UGT3A1: variants seen among roughly 807,000 people sequenced by gnomAD.
The protein encoded by UGT3A1 is UDP-glycosyltransferase 3A1.
Under a neutral mutation model 37.6 loss-of-function variants are expected in UGT3A1, and 40 were observed. The ratio of observed to expected loss-of-function variants is 1.06; its 90% CI spans 0.83 to 1.38. The LOEUF is 1.38. UGT3A1 is among the 40% of genes most tolerant of loss of function. The pLI is 0.00. For synonymous variants in UGT3A1, 256 were observed against 232.3 expected, an observed-to-expected ratio of 1.10 and a Z score of -0.93; for missense variants, 642 against 634.2, an observed-to-expected ratio of 1.01 and a Z score of -0.13.
chr5:35,983,430 C>G (rs1249522534), intron 2 of UGT3A1, among the ~76,000 whole-genome samples: 1 of 151,958 alleles, frequency 6.6e-6, no homozygotes, highest in Non-Finnish European at 1.5e-5. Context: ...TAAAGAAAAG[C>G]CCAAAACCTG....
intron 4 of UGT3A1, 94 bp from the exon 5 acceptor site, chr5:35,957,513 C>T (rs947204016): frequency 1.0e-6 from 1 of 967,676 alleles, no homozygotes; most frequent in Admixed American, 2.3e-5. Flanking sequence ...AACATACCCT[C>T]CCATCAGTGC....
intron 4 of UGT3A1, chr5:35,961,793 G>A (rs975030370): frequency 3.9e-5 from 6 of 152,206 alleles, no homozygotes; most frequent in Non-Finnish European, 7.3e-5. Flanking sequence ...GGGGCTGTCT[G>A]AGTAATAAAT....
At chr5:35,971,282 A>C (rs779106154) in intron 2 of UGT3A1, among the ~76,000 whole-genome samples, 20 of 152,190 alleles carry the variant, frequency 1.3e-4, no homozygotes, top group Non-Finnish European at 2.6e-4. Context: ...AACGCACAAA[A>C]AGGGATGTGC....
At chr5:35,993,129 AT>A (rs947282779), upstream of UGT3A1, among the ~76,000 whole-genome samples, 5 of 151,868 alleles carry the variant, frequency 3.3e-5, no homozygotes, top group South Asian at 2.1e-4. Context: ...GATTCCCTGC[AT>A]TTTTTTTCTC....
upstream of UGT3A1, among the ~76,000 whole-genome samples, chr5:35,994,836 G>T (rs142096243): frequency 5.9e-5 from 9 of 152,290 alleles, no homozygotes; most frequent in East Asian, 1.5e-3. Flanking sequence ...GGAACATAAA[G>T]TTCCCCCTTC....
At chr5:35,989,272 C>A (rs534913089) in intron 1 of UGT3A1, among the ~76,000 whole-genome samples, 2 of 152,304 alleles carry the variant, frequency 1.3e-5, no homozygotes, top group South Asian at 4.1e-4. Flanking sequence ...CTAGGAAAAT[C>A]CTACCATGCT....
chr5:35,953,724 C>T lies in UGT3A1; in HGVS notation c.*478G>A, dbSNP rs1739246754. The T allele has an allele frequency of 6.3e-6, 1 of 157,608 alleles. No homozygotes were observed. Among genetic ancestry groups the T allele is most frequent in the South Asian group, 1.9e-4 (1 of 5,198 alleles). 9.8% of individuals were successfully genotyped at this position (157,608 alleles called of 1,614,324 possible). ...GAGCAAAGGTCTTGGCAGGGGTTCT[C>T]CTTCCCTAAATGCAGGAGAGCAGAC... On this transcript the variant is annotated 3_prime_UTR_variant, in exon 7 of 7. Coordinates refer to ENST00000274278, the MANE Select transcript of UGT3A1 (RefSeq NM_152404.4).
intron 2 of UGT3A1, among the ~76,000 whole-genome samples, chr5:35,972,432 C>G (rs997878088): frequency 6.6e-6 from 1 of 151,496 alleles, no homozygotes; most frequent in Non-Finnish European, 1.5e-5. Context: ...AGCTTGCCTA[C>G]CTGACCTATA....
intron 4 of UGT3A1, 69 bp from the exon 5 acceptor site, chr5:35,957,488 C>G (rs1739404421): frequency 7.6e-7 from 1 of 1,313,642 alleles, no homozygotes; most frequent in East Asian, 2.4e-5. Flanking sequence ...GAAATGAAAC[C>G]CAGTCTATTT....
chr5:35,952,286 A>G lies in UGT3A1; in HGVS notation c.*1916T>C, dbSNP rs746084078. 6.6e-6 allele frequency: 1 copy of G among 152,228 alleles called. No individual in the cohort carries two copies. The highest frequency in any genetic ancestry group is 1.5e-5 in the Non-Finnish European group (1 of 68,062). 9.4% of individuals were successfully genotyped at this position (152,228 alleles called of 1,614,324 possible). On this transcript the variant is annotated 3_prime_UTR_variant, in exon 7 of 7. Transcript: ENST00000274278. ...CGAACATTTGGAAAAGAGTGGGAGG[A>G]GAACTGCTCCAGGTGTGCCTAGATT...
chr5:35,965,928 G>T lies in UGT3A1; in HGVS notation c.312-11C>A. The T allele has an allele frequency of 6.7e-7, 1 of 1,495,048 alleles. No individual in the cohort carries two copies. The highest frequency in any genetic ancestry group is 8.9e-7 in the Non-Finnish European group (1 of 1,123,260). The allele number at this position is 1,495,048 out of a possible 1,614,324, so 92.6% of individuals were successfully genotyped here. On this transcript the variant is annotated splice_polypyrimidine_tract_variant and intron_variant, in intron 3 of 6. Coordinates refer to ENST00000274278, the MANE Select transcript of UGT3A1 (RefSeq NM_152404.4). ...GCTTCAGATTCTTTTCTGTAATAAAGAAAATAAATAATAAATATTTGGGAA... is the reference window on the plus strand; with the variant it reads ...GCTTCAGATTCTTTTCTGTAATAAATAAAATAAATAATAAATATTTGGGAA...
At chr5:35,998,108 A>G (rs1741138172) in intron 1 of UGT3A1, among the ~76,000 whole-genome samples, 1 of 152,204 alleles carries the variant, frequency 6.6e-6, no homozygotes, top group Non-Finnish European at 1.5e-5. Flanking sequence ...ACCTGATCCC[A>G]TCATGTGGAC....
chr5:35,976,158 CA>C (rs1225915029), intron 2 of UGT3A1, among the ~76,000 whole-genome samples: 1 of 152,008 alleles, frequency 6.6e-6, no homozygotes, highest in East Asian at 1.9e-4. Context: ...TTCTATTAAA[CA>C]GAAAAGTAAG....
chr5:35,977,827 A>T (rs957771131), intron 2 of UGT3A1, among the ~76,000 whole-genome samples: 1 of 152,246 alleles, frequency 6.6e-6, no homozygotes, highest in Admixed American at 6.5e-5. Context: ...CATTTACGTA[A>T]AATTTAAAAG....
intron 1 of UGT3A1, 105 bp from the exon 2 acceptor site, chr5:35,988,656 G>A: frequency 1.2e-6 from 1 of 846,782 alleles, no homozygotes; most frequent in Non-Finnish European, 1.9e-6. Context: ...AAAGCATAGG[G>A]AAGAGGAAAT....
At chr5:35,992,007 C>T (rs768857497), upstream of UGT3A1, among the ~76,000 whole-genome samples, 15 of 152,140 alleles carry the variant, frequency 9.9e-5, no homozygotes, top group Non-Finnish European at 1.8e-4. Context: ...AATTCTGCCC[C>T]CTTGAAGGGT....
chr5:35,991,649 C>T, upstream of UGT3A1: 2 of 999,314 alleles, frequency 2.0e-6, no homozygotes, highest in Non-Finnish European at 2.4e-6. Context: ...GCTGTCTGAA[C>T]TTATGTTACT....
rs565666912 is a variant in UGT3A1, at chr5:35,975,265, G to T, written c.197-7132C>A. ...CACTCACCAAGTTGACCTGGATACT[G>T]CCACTGCAGAGTACTCAGTCAGCCA... On this transcript the variant is annotated intron_variant, in intron 2 of 6. Transcript: ENST00000274278. 2.0e-5 allele frequency among the ~76,000 whole-genome samples: 3 copies of T among 152,322 alleles called. No homozygotes were observed. The South Asian group carries it at 6.2e-4, about 32-fold the overall frequency.
rs1580937735 is a variant in UGT3A1, at chr5:35,972,096, A to G, written c.197-3963T>C. ...GCTGTCGTTCAAAGATTTTTTTCCC[A>G]GGCAGAGAAGGAAGCCATAAAACAG... On this transcript the variant is annotated intron_variant, in intron 2 of 6. Coordinates refer to ENST00000274278, the MANE Select transcript of UGT3A1 (RefSeq NM_152404.4). Among the ~76,000 whole-genome samples the G allele has an allele frequency of 3.3e-5, 5 of 152,190 alleles. No individual in the cohort carries two copies. In the South Asian group the frequency reaches 1.0e-3, roughly 32 times the overall value.
Sources: gnomAD v4.1 joint callset for allele counts (sites outside exome capture counted in the v4.1 genomes callset) on GRCh38, gnomAD v4.1.1 for gene constraint, MANE v1.5 for transcripts, NCBI Gene and HGNC (gene_info 2026-07-23, HGNC 2026-07-21) for gene names.